The following TINAG variants were observed in gnomAD, a reference collection of about 807,000 sequenced individuals.
TINAG encodes tubulointerstitial nephritis antigen.
TINAG carries 83 observed loss-of-function variants against 72.7 expected under a neutral mutation model. The ratio of observed to expected loss-of-function variants is 1.14; its 90% CI spans 0.96 to 1.37. The LOEUF is 1.37. Among genes scored for constraint, TINAG ranks in the 40% most tolerant of loss-of-function variants. TINAG has a pLI of 0.00. For synonymous variants in TINAG, 234 were observed against 189.9 expected (o/e 1.23, Z -1.91); for missense variants, 685 against 576.6 (o/e 1.19, Z -1.93).
rs186523195 is a variant in TINAG at position 54,363,803 on chromosome 6, T to A, written c.1250+9167T>A. Among the ~76,000 whole-genome samples, 212 of 151,106 alleles carry A rather than the reference T, an allele frequency of 1.4e-3. 2 individuals are homozygous for A. Among genetic ancestry groups the A allele is most frequent in the Admixed American group, 0.012 (187 of 15,080 alleles). The stretch of plus-strand genomic sequence containing the variant: ...GACAGAGTGGGAGAGGCCAGTGAGG[T>A]TTAAAAAGAAAAAAGTAGGAGAGAG... On this transcript the variant is annotated intron_variant, in intron 9 of 10. Transcript: ENST00000259782.
intron 10 of TINAG, among the ~76,000 whole-genome samples, chr6:54,388,661 G>A (rs1380450701): frequency 6.6e-6 from 1 of 151,978 alleles, no homozygotes; most frequent in Non-Finnish European, 1.5e-5. Flanking sequence ...ACTCCCTTCT[G>A]TGTGTCCTTT....
intron 1 of TINAG, among the ~76,000 whole-genome samples, chr6:54,316,837 C>T (rs1784383985): frequency 6.6e-6 from 1 of 152,128 alleles, no homozygotes; most frequent in Non-Finnish European, 1.5e-5. Context: ...TATTTTAAAA[C>T]AAATTATAGA....
intron 10 of TINAG, 121 bp downstream of exon 10, chr6:54,380,692 C>A: frequency 3.1e-6 from 2 of 638,436 alleles, no homozygotes; most frequent in South Asian, 2.9e-5. Context: ...TTGTTGATAA[C>A]ATCAGTGTTT....
chr6:54,364,603 T>C (rs1763349080), intron 9 of TINAG, among the ~76,000 whole-genome samples: 1 of 151,378 alleles, frequency 6.6e-6, no homozygotes, highest in East Asian at 1.9e-4. Flanking sequence ...TGTTAGATTT[T>C]TAAAACCATT....
At chr6:54,376,436 T>G (rs534600018) in intron 9 of TINAG, among the ~76,000 whole-genome samples, 70 of 152,292 alleles carry the variant, frequency 4.6e-4, no homozygotes, top group Admixed American at 4.6e-3. Context: ...ATATAAATTT[T>G]GCTTTAATAA....
chr6:54,375,173 T>C (rs950855287), intron 9 of TINAG, among the ~76,000 whole-genome samples: 2 of 152,180 alleles, frequency 1.3e-5, no homozygotes, highest in African/African-American at 2.4e-5. Flanking sequence ...ATCCAATCCC[T>C]AAGCAAATGT....
intron 9 of TINAG, among the ~76,000 whole-genome samples, chr6:54,361,272 C>T (rs533878306): frequency 6.6e-6 from 1 of 151,638 alleles, no homozygotes; most frequent in South Asian, 2.1e-4. Context: ...ATGTATTAGT[C>T]CATTCTTACA....
chr6:54,371,507 TATG>T (rs1216894157), intron 9 of TINAG, among the ~76,000 whole-genome samples: 4 of 151,728 alleles, frequency 2.6e-5, no homozygotes, highest in Admixed American at 1.3e-4. Flanking sequence ...TGATTCTAAT[TATG>T]ATATTAATGA....
At chr6:54,348,088 G>A (rs9464056) in intron 6 of TINAG, among the ~76,000 whole-genome samples, 1 of 152,008 alleles carries the variant, frequency 6.6e-6, no homozygotes, top group Non-Finnish European at 1.5e-5. Context: ...CTGCTAAAAA[G>A]CTGAGTTATT....
Position 54,390,112 on chromosome 6 carries a change from C to A in TINAG, c.*187C>A, listed in dbSNP as rs1764207412. ...TTCATATTACTGAGCATTAACAACA[C>A]CAATAAAGGACAGCAGAGTCCCTAA... On this transcript the variant is annotated 3_prime_UTR_variant, in exon 11 of 11. Transcript: ENST00000259782. 3 of 730,166 alleles carry A rather than the reference C, an allele frequency of 4.1e-6. No individual in the cohort carries two copies. In the Admixed American group the frequency reaches 1.1e-4, roughly 28 times the overall value. The allele number at this position is 730,166 out of a possible 1,614,324, so 45.2% of individuals were successfully genotyped here.
intron 1 of TINAG, among the ~76,000 whole-genome samples, chr6:54,317,728 A>G (rs147139598): frequency 6.6e-6 from 1 of 152,024 alleles, no homozygotes; most frequent in Non-Finnish European, 1.5e-5. Context: ...CCTTAACTTC[A>G]TGTCTTTAAC....
chr6:54,373,776 T>C (rs1562181980), intron 9 of TINAG, among the ~76,000 whole-genome samples: 1 of 152,236 alleles, frequency 6.6e-6, no homozygotes, highest in South Asian at 2.1e-4. Context: ...TAGTATGCTA[T>C]AATTTCTGAG....
intron 4 of TINAG, among the ~76,000 whole-genome samples, chr6:54,337,972 T>A (rs1784907542): frequency 6.6e-6 from 1 of 152,188 alleles, no homozygotes; most frequent in Non-Finnish European, 1.5e-5. Flanking sequence ...TGTCACTGAA[T>A]TAAGAATTTT....
intron 4 of TINAG, among the ~76,000 whole-genome samples, chr6:54,329,399 A>T (rs570321315): frequency 5.3e-4 from 81 of 152,314 alleles, no homozygotes; most frequent in Non-Finnish European, 8.8e-4. Context: ...AAGAGAAATA[A>T]AATCCTTTAC....
At chr6:54,317,726 T>G (rs1358116334) in intron 1 of TINAG, among the ~76,000 whole-genome samples, 1 of 152,154 alleles carries the variant, frequency 6.6e-6, no homozygotes, top group Non-Finnish European at 1.5e-5. Context: ...TCCCTTAACT[T>G]CATGTCTTTA....
At chr6:54,322,333 CA>C (rs148020265) in intron 3 of TINAG, among the ~76,000 whole-genome samples, 32 of 146,870 alleles carry the variant, frequency 2.2e-4, no homozygotes, top group Middle Eastern at 3.4e-3. Context: ...AACAAACAAA[CA>C]AAAAAAAAAC....
intron 4 of TINAG, among the ~76,000 whole-genome samples, chr6:54,329,135 T>C (rs775888989): frequency 3.2e-4 from 48 of 151,978 alleles, no homozygotes; most frequent in South Asian, 6.2e-4. Context: ...ACCACAAAGA[T>C]ACTCCTCGAG....
rs150585516 is a variant in TINAG at position 54,347,440 on chromosome 6, C to A, written c.822C>A (p.Ile274=). Residue 274 remains isoleucine, a synonymous_variant, in exon 6 of 11, where the codon ATC becomes ATA. Transcript: ENST00000259782. ...YTANLSPQNL[I]SCCAKNRHGC... ...CCAATCTATCCCCTCAGAATTTGATCTCTTGCTGTGCCAAGAACCGTCATG... is the reference window on the plus strand; with the variant it reads ...CCAATCTATCCCCTCAGAATTTGATATCTTGCTGTGCCAAGAACCGTCATG... 6.2e-7 allele frequency: 1 copy of A among 1,613,338 alleles called. No individual in the cohort carries two copies. The highest frequency in any genetic ancestry group is 8.5e-7 in the Non-Finnish European group (1 of 1,179,588).
At chr6:54,361,514 C>A (rs1763237019) in intron 9 of TINAG, among the ~76,000 whole-genome samples, 1 of 151,586 alleles carries the variant, frequency 6.6e-6, no homozygotes, top group South Asian at 2.1e-4. Flanking sequence ...CTCACTATTA[C>A]AAGAACAGTA....
Sources: gnomAD v4.1 joint callset for allele counts (sites outside exome capture counted in the v4.1 genomes callset) on GRCh38, gnomAD v4.1.1 for gene constraint, MANE v1.5 for transcripts, NCBI Gene and HGNC (gene_info 2026-07-23, HGNC 2026-07-21) for gene names.